The following OCA2 variants were observed in gnomAD, a reference collection of about 807,000 sequenced individuals.
OCA2 encodes the protein P protein.
OCA2 carries 77 observed loss-of-function variants against 100.2 expected under a neutral mutation model. The observed-to-expected ratio is 0.77, with a 90% CI of 0.64 to 0.93. OCA2 has a LOEUF of 0.93. OCA2 is among the 40% of genes least tolerant of loss of function. The probability of loss-of-function intolerance (pLI) is 0.00; values close to 1 mark genes in which losing one functional copy is unlikely to be tolerated. For synonymous variants in OCA2, 432 were observed against 439.2 expected (o/e 0.98, Z 0.21); for missense variants, 1,062 against 1,089.1 (o/e 0.98, Z 0.35).
At chr15:27,772,377 C>G (rs554860307) in intron 23 of OCA2, among the ~76,000 whole-genome samples, 1 of 152,044 alleles carries the variant, frequency 6.6e-6, no homozygotes, top group Non-Finnish European at 1.5e-5. Context: ...CACTTTTTCC[C>G]TCTCATTTTT....
intron 23 of OCA2, among the ~76,000 whole-genome samples, chr15:27,792,639 T>G (rs17673969): frequency 0.14 from 20,603 of 152,084 alleles, 2,294 homozygotes; most frequent in East Asian, 0.59. Context: ...CATCTGTGGC[T>G]TCTCACTCCT....
intron 7 of OCA2, 127 bp from the exon 8 acceptor site, chr15:28,016,313 CTTTA>C: frequency 1.3e-6 from 1 of 775,854 alleles, no homozygotes; most frequent in Non-Finnish European, 2.3e-6. Flanking sequence ...AGGAGAGCAT[CTTTA>C]TTTGAGCTCT....
In OCA2 at chr15:27,957,735, T is replaced by C; in HGVS notation, c.1637A>G (p.Glu546Gly). 6.2e-7 allele frequency: 1 copy of C among 1,613,140 alleles called. No homozygotes were observed. The highest frequency in any genetic ancestry group is 8.5e-7 in the Non-Finnish European group (1 of 1,180,000). The change falls in exon 16 of 24, where the codon GAA becomes GGA. Residue 546 changes from glutamate to glycine, a missense_variant and splice_region_variant. Glu to Gly is a moderately conservative substitution (Grantham distance 98). Transcript: ENST00000354638. This position sits in a 1 kb window ranked among gnomAD's most constrained non-coding sequence, Gnocchi z 4.3. ...LYNKEPSEIV[E>G]LKHEIHVWRL... ...CCAGACGTGAATCTCGTGCTTCAGT[T>C]CTGCAGAGAAAGGAAGGCGAAGCTT...
At chr15:27,833,935 G>A (rs1178335048) in intron 23 of OCA2, among the ~76,000 whole-genome samples, 3 of 152,122 alleles carry the variant, frequency 2.0e-5, no homozygotes, top group Admixed American at 6.5e-5. Flanking sequence ...ACTAGTGATG[G>A]TAGAAGAATA....
At position 27,951,087 on chromosome 15, in the gene OCA2, A is replaced by T. The variant is rs1207258033; in HGVS notation, c.1951+697T>A. ...TGGAGATAACTGTGAAATTGATAAGAAACGCCTGGGAGAGTGGAGAACGTT... is the reference window on the plus strand; with the variant it reads ...TGGAGATAACTGTGAAATTGATAAGTAACGCCTGGGAGAGTGGAGAACGTT... On this transcript the variant is annotated intron_variant, in intron 18 of 23. Transcript: ENST00000354638. Among the ~76,000 whole-genome samples, 4 of 152,306 alleles carry T rather than the reference A, an allele frequency of 2.6e-5. 1 individual carries two copies. Among genetic ancestry groups the T allele is most frequent in the African/African-American group, 9.6e-5 (4 of 41,570 alleles).
intron 15 of OCA2, among the ~76,000 whole-genome samples, chr15:27,965,380 G>A (rs996056418): frequency 6.6e-6 from 1 of 152,242 alleles, no homozygotes; most frequent in Admixed American, 6.5e-5. Context: ...CCCCAGGTAA[G>A]ATGAGTAGAT....
intron 1 of OCA2, among the ~76,000 whole-genome samples, chr15:28,086,896 A>G (rs2044784914): frequency 6.6e-6 from 1 of 152,226 alleles, no homozygotes; most frequent in African/African-American, 2.4e-5. Context: ...CAATAGAGAA[A>G]TATAGTCTAA....
intron 2 of OCA2, among the ~76,000 whole-genome samples, chr15:28,070,562 C>A (rs2044222619): frequency 6.8e-6 from 1 of 146,918 alleles, no homozygotes; most frequent in African/African-American, 2.5e-5. Context: ...CTCCGCCCGG[C>A]CAGCCGCCCC....
At chr15:28,069,400 CTCCCCTT>C (rs2044138203) in intron 2 of OCA2, among the ~76,000 whole-genome samples, 1 of 22,464 alleles carries the variant, frequency 4.5e-5, no homozygotes, top group Non-Finnish European at 6.9e-5. Flanking sequence ...CCCCCTCCCC[CTCCCCTT>C]CCCCCTCCCC....
chr15:27,981,965 C>T (rs185638428), intron 14 of OCA2, among the ~76,000 whole-genome samples: 1 of 152,308 alleles, frequency 6.6e-6, no homozygotes, highest in East Asian at 1.9e-4. Flanking sequence ...TAGAGCTCAC[C>T]GCATTTGTTT....
intron 13 of OCA2, among the ~76,000 whole-genome samples, chr15:27,984,370 A>G (rs529880150): frequency 6.6e-6 from 1 of 152,208 alleles, no homozygotes; most frequent in South Asian, 2.1e-4. Flanking sequence ...TGCTCTAAAG[A>G]AAGTGTAGAA....
At chr15:27,794,967 A>G (rs2033263653) in intron 23 of OCA2, among the ~76,000 whole-genome samples, 1 of 152,196 alleles carries the variant, frequency 6.6e-6, no homozygotes, top group Non-Finnish European at 1.5e-5. Flanking sequence ...CAGATGTCAG[A>G]TTTAAAAAGA....
intron 23 of OCA2, among the ~76,000 whole-genome samples, chr15:27,764,774 T>A (rs1187895388): frequency 1.3e-5 from 2 of 152,086 alleles, no homozygotes; most frequent in Non-Finnish European, 2.9e-5. Flanking sequence ...GGGGTCCTGA[T>A]CCAGACCCCA....
chr15:27,878,084 T>C (rs1266366442), intron 19 of OCA2, among the ~76,000 whole-genome samples: 3 of 152,060 alleles, frequency 2.0e-5, no homozygotes, highest in Admixed American at 1.3e-4. Context: ...TACAAAGTTT[T>C]ATTGCATCAA....
chr15:27,812,903 C>T (rs1184635430), intron 23 of OCA2, among the ~76,000 whole-genome samples: 1 of 152,120 alleles, frequency 6.6e-6, no homozygotes, highest in Non-Finnish European at 1.5e-5. Flanking sequence ...CCTAAGATGC[C>T]CCTCCTCCAT....
At chr15:28,038,886 A>AAC (rs1013193938) in intron 2 of OCA2, among the ~76,000 whole-genome samples, 1 of 152,200 alleles carries the variant, frequency 6.6e-6, no homozygotes, top group Non-Finnish European at 1.5e-5. Flanking sequence ...TGGATTTTAA[A>AAC]ACACACACAC....
At chr15:27,807,682 C>T (rs1161163719) in intron 23 of OCA2, among the ~76,000 whole-genome samples, 3 of 151,904 alleles carry the variant, frequency 2.0e-5, no homozygotes, top group East Asian at 1.9e-4. Context: ...TTTCACTCTT[C>T]GGAAGAAAAT....
rs144064082 is a variant in OCA2 at position 27,851,424 on chromosome 15, G to A, written c.2296C>T (p.Pro766Ser). ...AAGGCCAGGGCATACATGAGCGGCGGTGCGGGCAGGCCAACCTCAGGGTCG... is the reference window on the plus strand; with the variant it reads ...AAGGCCAGGGCATACATGAGCGGCGATGCGGGCAGGCCAACCTCAGGGTCG... ...SHDPEVGLPA[P>S]PLMYALAFGA... The change falls in exon 22 of 24, where the codon CCG becomes TCG. Residue 766 changes from proline (P) to serine (S), a missense_variant. Physicochemically the swap from Pro to Ser is moderately conservative, Grantham distance 74. Transcript: ENST00000354638. 6.2e-7 allele frequency: 1 copy of A among 1,614,010 alleles called. No individual in the cohort carries two copies. The highest frequency in any genetic ancestry group is 1.1e-5 in the South Asian group (1 of 90,994).
At chr15:27,984,967 T>C (rs550862956) in intron 13 of OCA2, 97 bp downstream of exon 13, 4 of 1,469,624 alleles carry the variant, frequency 2.7e-6, no homozygotes, top group Admixed American at 3.7e-5. Context: ...CACCTTTTCA[T>C]GCACCTGAGA....
Sources: allele counts gnomAD v4.1 joint callset (sites outside exome capture counted in the v4.1 genomes callset), GRCh38; gene constraint gnomAD v4.1.1; non-coding constraint Gnocchi (gnomAD v3.1); transcripts MANE v1.5; gene names NCBI Gene and HGNC (gene_info 2026-07-23, HGNC 2026-07-21).